TRPM3: variants seen among roughly 807,000 people sequenced by gnomAD.
TRPM3 encodes the protein long transient receptor potential channel 3.
TRPM3 carries 77 observed loss-of-function variants against 181.2 expected under a neutral mutation model. The observed-to-expected ratio is 0.42, with a 90% CI of 0.35 to 0.51. The LOEUF is 0.51. TRPM3 is among the 20% of genes least tolerant of loss of function. The pLI, the probability that TRPM3 is intolerant of heterozygous loss-of-function variation, is 0.01. For missense variants in TRPM3, 1,759 were observed against 2,196.7 expected (o/e 0.80, Z 3.98); for synonymous variants, 745 against 796.4 (o/e 0.94, Z 1.09).
chr9:71,002,092 C>T (rs1423044886), intron 1 of TRPM3, among the ~76,000 whole-genome samples: 1 of 152,194 alleles, frequency 6.6e-6, no homozygotes, highest in African/African-American at 2.4e-5. Context: ...TATTGCTTCC[C>T]TTTCTGTACT....
Position 70,535,881 on chromosome 9 carries a change from G to A in TRPM3, c.*72C>T, listed in dbSNP as rs1020295498. On this transcript the variant is annotated 3_prime_UTR_variant, in exon 26 of 26. Transcript: ENST00000677713. ...ATAAAGCAGGTATGATTCAAGGAAA[G>A]GGGAAAAACTGGAGTTGGAGAGAAT... 2 of 1,523,470 alleles carry A rather than the reference G, an allele frequency of 1.3e-6. No homozygotes were observed. Among genetic ancestry groups the A allele is most frequent in the Non-Finnish European group, 8.8e-7 (1 of 1,139,300 alleles). The allele number at this position is 1,523,470 out of a possible 1,614,324, so 94.4% of individuals were successfully genotyped here. A position where few individuals can be genotyped will look rare whatever the true frequency, so the allele number is the denominator to read the frequency against.
At chr9:70,877,814 C>CACACACACACAT (rs1191403470) in intron 1 of TRPM3, among the ~76,000 whole-genome samples, 2 of 151,656 alleles carry the variant, frequency 1.3e-5, no homozygotes, top group Non-Finnish European at 2.9e-5. Context: ...AACACACACA[C>CACACACACACAT]ACACACACAC....
chr9:71,122,343 T>A (rs1323061397), upstream of TRPM3, among the ~76,000 whole-genome samples: 1 of 152,092 alleles, frequency 6.6e-6, no homozygotes, highest in African/African-American at 2.4e-5. Context: ...GTTTTTCAAT[T>A]TGAAGGTAGA....
intron 1 of TRPM3, among the ~76,000 whole-genome samples, chr9:71,359,422 G>C (rs1309163903): frequency 1.3e-5 from 2 of 152,170 alleles, no homozygotes; most frequent in African/African-American, 4.8e-5. Context: ...TATTTAAAAT[G>C]TGCCTATGTA....
At chr9:71,108,808 T>C (rs1428685140) in intron 1 of TRPM3, among the ~76,000 whole-genome samples, 2 of 152,196 alleles carry the variant, frequency 1.3e-5, no homozygotes, top group African/African-American at 4.8e-5. Context: ...TTATTTAAGT[T>C]ATCATGAGTT....
intron 1 of TRPM3, among the ~76,000 whole-genome samples, chr9:71,399,788 T>A (rs2093299074): frequency 6.6e-6 from 1 of 152,116 alleles, no homozygotes; most frequent in Non-Finnish European, 1.5e-5. Flanking sequence ...GCCTTGGGCT[T>A]CCAAAGTGCT....
At chr9:70,886,336 G>A (rs1012223160) in intron 1 of TRPM3, among the ~76,000 whole-genome samples, 2 of 152,128 alleles carry the variant, frequency 1.3e-5, no homozygotes, top group Admixed American at 1.3e-4. Context: ...TGTTACAATG[G>A]GAACTCCCAA....
chr9:71,404,138 A>C (rs2093392639), intron 1 of TRPM3, among the ~76,000 whole-genome samples: 1 of 152,216 alleles, frequency 6.6e-6, no homozygotes, highest in African/African-American at 2.4e-5. Context: ...CAAGGGCTGT[A>C]ATACATACAT....
intron 1 of TRPM3, among the ~76,000 whole-genome samples, chr9:71,224,598 A>G (rs2080462424): frequency 6.6e-6 from 1 of 152,058 alleles, no homozygotes; most frequent in African/African-American, 2.4e-5. Flanking sequence ...GAAATATGAG[A>G]CCTTTCAGAG....
intron 9 of TRPM3, among the ~76,000 whole-genome samples, chr9:70,653,636 C>A (rs1305500691): frequency 9.2e-6 from 1 of 108,960 alleles, no homozygotes. Context: ...AAAACAAACC[C>A]AAAACACTAT....
intron 1 of TRPM3, among the ~76,000 whole-genome samples, chr9:70,971,025 C>T (rs2133920679): frequency 6.6e-6 from 1 of 152,196 alleles, no homozygotes; most frequent in East Asian, 1.9e-4. Flanking sequence ...ATTTCTTATC[C>T]CACTCGCTGT....
intron 1 of TRPM3, among the ~76,000 whole-genome samples, chr9:71,099,435 A>G (rs2067918490): frequency 6.6e-6 from 1 of 152,190 alleles, no homozygotes; most frequent in South Asian, 2.1e-4. Flanking sequence ...TATCTTAGAC[A>G]CTTTATAGAA....
chr9:70,593,493 T>C (rs115721623), intron 21 of TRPM3, among the ~76,000 whole-genome samples: 2,436 of 152,270 alleles, frequency 0.016, 67 homozygotes, highest in African/African-American at 0.053. Context: ...AGAAGCTAGT[T>C]TGACCCAAGG....
upstream of TRPM3, among the ~76,000 whole-genome samples, chr9:71,125,475 G>A (rs1007617939): frequency 1.3e-5 from 2 of 152,152 alleles, no homozygotes; most frequent in African/African-American, 2.4e-5. Flanking sequence ...GTGTCAGTTC[G>A]CTGAGGATAA....
chr9:70,688,557 A>T (rs974505516), intron 8 of TRPM3, among the ~76,000 whole-genome samples: 1 of 151,990 alleles, frequency 6.6e-6, no homozygotes, highest in African/African-American at 2.4e-5. Context: ...TTTTCCATCA[A>T]TCCTTTCTTT....
At chr9:70,960,529 A>T (rs552728151) in intron 1 of TRPM3, among the ~76,000 whole-genome samples, 1 of 152,330 alleles carries the variant, frequency 6.6e-6, no homozygotes, top group Admixed American at 6.5e-5. Context: ...ATTTTGAAGC[A>T]TGATGATAAT....
chr9:70,896,901 G>C (rs1273414403), intron 1 of TRPM3, among the ~76,000 whole-genome samples: 1 of 142,272 alleles, frequency 7.0e-6, no homozygotes, highest in Non-Finnish European at 1.5e-5. Context: ...ACAAAGAACT[G>C]CCTAAGATCA....
chr9:71,420,656 A>G (rs2093717351), intron 1 of TRPM3, among the ~76,000 whole-genome samples: 7 of 92,602 alleles, frequency 7.6e-5, no homozygotes, highest in Non-Finnish European at 1.8e-4. Flanking sequence ...AAAGAGAAAG[A>G]AAAAGAGAAA....
intron 1 of TRPM3, among the ~76,000 whole-genome samples, chr9:71,109,857 C>T (rs1173338690): frequency 2.6e-5 from 4 of 152,082 alleles, no homozygotes; most frequent in Admixed American, 6.6e-5. Context: ...CTGAACCCAC[C>T]ACATTTGTTC....
Sources: allele counts gnomAD v4.1 joint callset (sites outside exome capture counted in the v4.1 genomes callset), GRCh38; gene constraint gnomAD v4.1.1; transcripts MANE v1.5; gene names NCBI Gene and HGNC (gene_info 2026-07-23, HGNC 2026-07-21).